Variants in MCTP2 observed in about 807,000 individuals in gnomAD.
The protein encoded by MCTP2 is multiple C2 and transmembrane domain containing 2.
Under a neutral mutation model 111.6 loss-of-function variants are expected in MCTP2, and 132 were observed. The ratio of observed to expected loss-of-function variants is 1.18; its 90% confidence interval spans 1.03 to 1.37. The LOEUF is 1.37. Among genes scored for constraint, MCTP2 ranks in the 40% most tolerant of loss-of-function variants. The pLI is 0.00. For missense variants in MCTP2, 1,183 were observed against 1,067.9 expected (o/e 1.11, Z -1.50); for synonymous variants, 395 against 387.7 (o/e 1.02, Z -0.22).
chr15:94,439,750 G>A (rs2083671164), intron 17 of MCTP2, among the ~76,000 whole-genome samples: 1 of 152,118 alleles, frequency 6.6e-6, no homozygotes, highest in Non-Finnish European at 1.5e-5. Context: ...CAAAAGTTTG[G>A]AAATCCAAAG....
chr15:94,243,948 T>C (rs1046240194), intron 1 of MCTP2, among the ~76,000 whole-genome samples: 1 of 145,670 alleles, frequency 6.9e-6, no homozygotes, highest in Admixed American at 6.9e-5. Flanking sequence ...CATACATATA[T>C]GTGTATATAT....
At chr15:94,377,987 A>T (rs555130606) in intron 12 of MCTP2, among the ~76,000 whole-genome samples, 51 of 152,228 alleles carry the variant, frequency 3.4e-4, no homozygotes, top group African/African-American at 1.2e-3. Context: ...CTCAGGGGAG[A>T]GGATGTTCAT....
At chr15:94,395,374 G>A (rs1429348043) in intron 14 of MCTP2, among the ~76,000 whole-genome samples, 1 of 152,138 alleles carries the variant, frequency 6.6e-6, no homozygotes, top group Admixed American at 6.6e-5. Context: ...CCTTTAGTTT[G>A]GATTTTGATC....
At chr15:94,325,676 G>A (rs2076830193) in intron 4 of MCTP2, among the ~76,000 whole-genome samples, 1 of 146,984 alleles carries the variant, frequency 6.8e-6, no homozygotes, top group Admixed American at 6.8e-5. Context: ...TAAAGACTCT[G>A]TCGTGGATTG....
intron 1 of MCTP2, among the ~76,000 whole-genome samples, chr15:94,252,344 C>G (rs1452871898): frequency 1.3e-5 from 2 of 152,276 alleles, no homozygotes; most frequent in Admixed American, 6.5e-5. Flanking sequence ...CTCATAATTT[C>G]CATGTACATT....
intron 11 of MCTP2, among the ~76,000 whole-genome samples, chr15:94,368,436 A>G (rs541797352): frequency 3.9e-5 from 6 of 152,182 alleles, no homozygotes; most frequent in Non-Finnish European, 5.9e-5. Flanking sequence ...TATCTTCTGT[A>G]TAAATCAATA....
At chr15:94,265,594 G>T (rs753711043) in intron 1 of MCTP2, among the ~76,000 whole-genome samples, 1 of 152,092 alleles carries the variant, frequency 6.6e-6, no homozygotes, top group Non-Finnish European at 1.5e-5. Flanking sequence ...CACTGTTTGC[G>T]TTGAGATATT....
In MCTP2 at chr15:94,483,874, C is replaced by T. The variant is rs1298966365; in HGVS notation, c.*4840C>T. 1.3e-5 allele frequency: 2 copies of T among 152,138 alleles called. No homozygotes were observed. The highest frequency in any genetic ancestry group is 4.8e-5 in the African/African-American group (2 of 41,424). The allele number at this position is 152,138 out of a possible 1,614,324, so 9.4% of individuals were successfully genotyped here. A position where few individuals can be genotyped will look rare whatever the true frequency, so the allele number is the denominator to read the frequency against. On this transcript the variant is annotated 3_prime_UTR_variant, in exon 23 of 23. Transcript: ENST00000357742. ...AAAAAAAACTATGTTCTATCAAAACCTGCCTCTCATTTATGTATTAGGAAT... is the reference window on the plus strand; with the variant it reads ...AAAAAAAACTATGTTCTATCAAAACTTGCCTCTCATTTATGTATTAGGAAT...
At chr15:94,347,172 G>A (rs952928028) in intron 8 of MCTP2, among the ~76,000 whole-genome samples, 2 of 152,068 alleles carry the variant, frequency 1.3e-5, no homozygotes, top group Non-Finnish European at 2.9e-5. Context: ...TGTCTAATTT[G>A]GCTTATGGAA....
chr15:94,390,063 T>C (rs1399424646), intron 14 of MCTP2, among the ~76,000 whole-genome samples: 14 of 9,306 alleles, frequency 1.5e-3, no homozygotes, highest in Admixed American at 6.2e-3. Flanking sequence ...TATATATATA[T>C]ATATATATAT....
intron 21 of MCTP2, among the ~76,000 whole-genome samples, chr15:94,471,616 A>G (rs983828272): frequency 2.0e-5 from 3 of 152,164 alleles, no homozygotes; most frequent in Admixed American, 6.5e-5. Flanking sequence ...TTAATACTTG[A>G]TGATCCTGAT....
chr15:94,307,322 C>T lies in MCTP2; in HGVS notation c.466-6960C>T, dbSNP rs116656799. Among the ~76,000 whole-genome samples the T allele has an allele frequency of 5.5e-3, 829 of 152,040 alleles. 10 individuals carry two copies. Among genetic ancestry groups the T allele is most frequent in the African/African-American group, 0.019 (786 of 41,458 alleles). On this transcript the variant is annotated intron_variant, in intron 2 of 22. Transcript: ENST00000357742. ...CAGAGTGGTCAGGAAGGACCTCTTC[C>T]GAGAAGATAACCTTCACACAAAGAT...
intron 19 of MCTP2, among the ~76,000 whole-genome samples, chr15:94,448,168 T>C (rs890681373): frequency 9.9e-5 from 15 of 152,184 alleles, no homozygotes; most frequent in Admixed American, 8.5e-4. Flanking sequence ...AATCAAACTC[T>C]CATTCTTAAC....
intron 1 of MCTP2, among the ~76,000 whole-genome samples, chr15:94,253,032 G>T (rs1350659026): frequency 6.6e-6 from 1 of 152,066 alleles, no homozygotes; most frequent in Non-Finnish European, 1.5e-5. Flanking sequence ...CAAGTTGGGG[G>T]CACCTCTGCT....
chr15:94,423,356 A>C (rs2082716591), intron 17 of MCTP2, among the ~76,000 whole-genome samples: 1 of 152,200 alleles, frequency 6.6e-6, no homozygotes, highest in South Asian at 2.1e-4. Flanking sequence ...AGTACGGTAG[A>C]GCCATGATTT....
intron 12 of MCTP2, among the ~76,000 whole-genome samples, chr15:94,382,061 A>AG (rs2080167823): frequency 6.6e-6 from 1 of 152,222 alleles, no homozygotes; most frequent in South Asian, 2.1e-4. Flanking sequence ...CTGGCCTTTC[A>AG]GGCCTGGGTA....
chr15:94,461,841 A>T (rs1596803296), intron 20 of MCTP2, among the ~76,000 whole-genome samples: 1 of 152,276 alleles, frequency 6.6e-6, no homozygotes, highest in East Asian at 1.9e-4. Flanking sequence ...ATCCAGGTTA[A>T]ATAGGGCTGG....
At chr15:94,381,133 G>A (rs1567577074) in intron 12 of MCTP2, among the ~76,000 whole-genome samples, 1 of 152,174 alleles carries the variant, frequency 6.6e-6, no homozygotes, top group Admixed American at 6.5e-5. Flanking sequence ...TTTTCTCTCA[G>A]TACCATTGGT....
At chr15:94,369,864 T>C (rs973521055) in intron 11 of MCTP2, among the ~76,000 whole-genome samples, 2 of 152,198 alleles carry the variant, frequency 1.3e-5, no homozygotes, top group Admixed American at 1.3e-4. Flanking sequence ...CTAATTGGTT[T>C]ATTTTAAAGC....
Sources: gnomAD v4.1 joint callset for allele counts (sites outside exome capture counted in the v4.1 genomes callset) on GRCh38, gnomAD v4.1.1 for gene constraint, MANE v1.5 for transcripts, NCBI Gene and HGNC (gene_info 2026-07-23, HGNC 2026-07-21) for gene names.